The following ZFPM1 variants were observed in gnomAD, a reference collection of about 807,000 sequenced individuals.
ZFPM1 encodes the protein zinc finger protein, FOG family member 1, also known as zinc finger protein ZFPM1.
Under a neutral mutation model 46.3 loss-of-function variants are expected in ZFPM1, and 28 were observed. The ratio of observed to expected loss-of-function variants is 0.60; its 90% CI spans 0.45 to 0.83. The LOEUF (loss-of-function observed/expected upper bound fraction) is 0.83, where lower values mean the gene tolerates loss of function less well. ZFPM1 is among the 40% of genes least tolerant of loss of function. ZFPM1 has a pLI of 0.00. For synonymous variants in ZFPM1, 957 were observed against 675.9 expected, an observed-to-expected ratio of 1.42 and a Z score of -6.45; for missense variants, 1,878 against 1,432.4, an observed-to-expected ratio of 1.31 and a Z score of -5.02.
chr16:88,515,333 C>T (rs901263493), intron 4 of ZFPM1, among the ~76,000 whole-genome samples: 4 of 152,156 alleles, frequency 2.6e-5, no homozygotes, highest in Admixed American at 6.5e-5. Flanking sequence ...GGACAGAGGG[C>T]GTCCCCCTTT....
intron 4 of ZFPM1, among the ~76,000 whole-genome samples, chr16:88,520,590 G>T (rs550095799): frequency 0.013 from 852 of 65,992 alleles, 12 homozygotes; most frequent in African/African-American, 0.052. Context: ...GGATGGATGG[G>T]AGGGTGAGTG....
chr16:88,482,207 A>G (rs541635322), intron 1 of ZFPM1, among the ~76,000 whole-genome samples: 1 of 152,094 alleles, frequency 6.6e-6, no homozygotes, highest in South Asian at 2.1e-4. Flanking sequence ...TGGCTCACAG[A>G]TGCCCCCAGC....
At chr16:88,491,586 G>A (rs1012769794) in intron 3 of ZFPM1, among the ~76,000 whole-genome samples, 22 of 152,202 alleles carry the variant, frequency 1.4e-4, no homozygotes, top group Non-Finnish European at 1.2e-4. Flanking sequence ...GGTGTTGAGA[G>A]GGGTTAGATC....
At chr16:88,510,910 G>A (rs1044621549) in intron 3 of ZFPM1, among the ~76,000 whole-genome samples, 1 of 152,244 alleles carries the variant, frequency 6.6e-6, no homozygotes, top group Non-Finnish European at 1.5e-5. Context: ...GCTGGGCCTG[G>A]CTGAGGCTCG....
intron 1 of ZFPM1, among the ~76,000 whole-genome samples, chr16:88,479,859 C>G (rs368735452): frequency 2.1e-5 from 3 of 140,072 alleles, no homozygotes; most frequent in Non-Finnish European, 4.7e-5. Context: ...CTCCCTCCCC[C>G]CCGCTGCCAC....
In ZFPM1 at chr16:88,533,574, C is replaced by T. The variant is rs1210227851; in HGVS notation, c.1616C>T (p.Ala539Val). ...YVFGPDAAPPASEILAKMSEL... is the reference protein window; with the variant it reads ...YVFGPDAAPPVSEILAKMSEL... Reference sequence around the variant, plus strand: ...TTCGGGCCCGACGCGGCGCCCCCCGCCTCGGAGATCCTGGCCAAGATGTCC... The same window carrying T: ...TTCGGGCCCGACGCGGCGCCCCCCGTCTCGGAGATCCTGGCCAAGATGTCC... The change falls in exon 10 of 10, where the codon GCC becomes GTC. Residue 539 changes from alanine (A) to valine (V), a missense_variant. Ala to Val is a moderately conservative substitution (Grantham distance 64). Coordinates refer to ENST00000319555, the MANE Select transcript of ZFPM1 (RefSeq NM_153813.3). 6.7e-7 allele frequency: 1 copy of T among 1,496,544 alleles called. No individual in the cohort carries two copies. 92.7% of individuals were successfully genotyped at this position (1,496,544 alleles called of 1,614,324 possible).
intron 3 of ZFPM1, among the ~76,000 whole-genome samples, chr16:88,507,656 C>T (rs1910734785): frequency 6.6e-6 from 1 of 152,226 alleles, no homozygotes; most frequent in Non-Finnish European, 1.5e-5. Flanking sequence ...ATGGGAGATG[C>T]CATCCAGCTC....
intron 3 of ZFPM1, among the ~76,000 whole-genome samples, chr16:88,506,710 C>T (rs572928092): frequency 3.3e-5 from 5 of 151,694 alleles, no homozygotes; most frequent in African/African-American, 7.3e-5. Context: ...GGCTCCTCTG[C>T]GCCTCTCCCA....
intron 1 of ZFPM1, among the ~76,000 whole-genome samples, chr16:88,477,712 A>AAAAGG (rs1337749925): frequency 6.6e-6 from 1 of 152,274 alleles, no homozygotes; most frequent in Non-Finnish European, 1.5e-5. Context: ...AAAAGAAAAG[A>AAAAGG]AAAGCAAAAC....
At chr16:88,532,732 G>T (rs773662091) in intron 8 of ZFPM1, 23 bp downstream of exon 8, 19 of 1,612,496 alleles carry the variant, frequency 1.2e-5, no homozygotes, top group Non-Finnish European at 1.4e-5. Context: ...GGGGCCGGGG[G>T]GTGTGTGGGT....
Position 88,533,530 on chromosome 16 carries a change from G to T in ZFPM1, c.1572G>T (p.Leu524=), listed in dbSNP as rs914767039. 1 of 1,454,866 alleles carries T rather than the reference G, an allele frequency of 6.9e-7. No homozygotes were observed. The highest frequency in any genetic ancestry group is 9.0e-7 in the Non-Finnish European group (1 of 1,106,574). 90.1% of individuals were successfully genotyped at this position (1,454,866 alleles called of 1,614,324 possible). ...GCGAGCTGGGCCTGGCCGGGGCCCT[G>T]TTCCTTCCGCAGTACGTGTTCGGGC... ...VPGELGLAGA[L]FLPQYVFGPD... Residue 524 remains leucine (L), a synonymous_variant, in exon 10 of 10, where the codon CTG becomes CTT. Transcript: ENST00000319555.
At chr16:88,526,785 C>A in intron 4 of ZFPM1, 29 bp from the exon 5 acceptor site, 2 of 1,515,576 alleles carry the variant, frequency 1.3e-6, no homozygotes, top group Non-Finnish European at 1.8e-6. Flanking sequence ...ACGGACCCCT[C>A]CCCACGTGTT....
chr16:88,536,180 A>T lies in ZFPM1; in HGVS notation c.*1201A>T, dbSNP rs1018977650. 3 of 151,880 alleles carry T rather than the reference A, an allele frequency of 2.0e-5. No individual in the cohort carries two copies. Among genetic ancestry groups the T allele is most frequent in the Non-Finnish European group, 1.5e-5 (1 of 67,956 alleles). 9.4% of individuals were successfully genotyped at this position (151,880 alleles called of 1,614,324 possible). ...TATGTTGCCCAGGCTGGGCAACCCT[A>T]TATTTTTTAGAGCTAAGGTCTTGTT... On this transcript the variant is annotated 3_prime_UTR_variant, in exon 10 of 10. Transcript: ENST00000319555.
chr16:88,467,870 G>T (rs890353472), intron 1 of ZFPM1, among the ~76,000 whole-genome samples: 10 of 152,184 alleles, frequency 6.6e-5, no homozygotes, highest in Non-Finnish European at 4.4e-5. Flanking sequence ...GATGCGTGCT[G>T]TGCGGTGGAG....
At position 88,532,814 on chromosome 16, in the gene ZFPM1, C is replaced by T. The variant is rs1365178748; in HGVS notation, c.1068C>T (p.Ile356=). The T allele has an allele frequency of 3.1e-6, 5 of 1,613,232 alleles. No individual in the cohort carries two copies. The highest frequency in any genetic ancestry group is 3.4e-6 in the Non-Finnish European group (4 of 1,179,966). ...GTGTCTGCCACAGCTGTGGCTTCAT[C>T]TCCACCACAAGGGACATCCTCTACA... ...LSGVCHSCGF[I]STTRDILYSH... Residue 356 remains isoleucine (I), a synonymous_variant, in exon 9 of 10, where the codon ATC becomes ATT. Transcript: ENST00000319555.
chr16:88,535,030 G>A lies in ZFPM1; in HGVS notation c.*51G>A, dbSNP rs1463280997. On this transcript the variant is annotated 3_prime_UTR_variant, in exon 10 of 10. Transcript: ENST00000319555. ...TTTGCACGCCCCGCTGCGATGCGGGGAGGGGGCCGCCCCCAGGCCGCACGG... is the reference window on the plus strand; with the variant it reads ...TTTGCACGCCCCGCTGCGATGCGGGAAGGGGGCCGCCCCCAGGCCGCACGG... The A allele has an allele frequency of 7.4e-7, 1 of 1,355,894 alleles. No homozygotes were observed. Among genetic ancestry groups the A allele is most frequent in the Non-Finnish European group, 9.6e-7 (1 of 1,046,146 alleles). 84.0% of individuals were successfully genotyped at this position (1,355,894 alleles called of 1,614,324 possible).
chr16:88,489,286 T>C (rs571909852), intron 3 of ZFPM1, 133 bp downstream of exon 3: 41 of 1,365,470 alleles, frequency 3.0e-5, no homozygotes, highest in African/African-American at 1.2e-4. Context: ...GGCCTGTGCC[T>C]AGTCCAAAGC....
Position 88,475,518 on chromosome 16 carries a change from G to GC in ZFPM1, c.41-10421_41-10420insC, listed in dbSNP as rs556395520. 4.6e-3 allele frequency among the ~76,000 whole-genome samples: 706 copies of GC among 152,046 alleles called. 4 individuals carry two copies. The highest frequency in any genetic ancestry group is 0.016 in the African/African-American group (651 of 41,482). ...CCTGAGCAGGGGCAGGGGTCCGGGG[G>GC]GGGGAGCACAGCCAAGAAAAAGGGA... On this transcript the variant is annotated intron_variant, in intron 1 of 9. Transcript: ENST00000319555.
At position 88,522,781 on chromosome 16, in the gene ZFPM1, C is replaced by T. The variant is rs138190280; in HGVS notation, c.403-4033C>T. 1.6e-3 allele frequency among the ~76,000 whole-genome samples: 245 copies of T among 152,300 alleles called. 1 individual carries two copies. The highest frequency in any genetic ancestry group is 5.6e-3 in the African/African-American group (234 of 41,578). On this transcript the variant is annotated intron_variant, in intron 4 of 9. Coordinates refer to ENST00000319555, the MANE Select transcript of ZFPM1 (RefSeq NM_153813.3). ...AAACAGGGTGGGCTCTAGCGTCCTC[C>T]GTGGACCCTGGACACACCTGCCTGA...
Sources: gnomAD v4.1 joint callset for allele counts (sites outside exome capture counted in the v4.1 genomes callset) on GRCh38, gnomAD v4.1.1 for gene constraint, MANE v1.5 for transcripts, NCBI Gene and HGNC (gene_info 2026-07-23, HGNC 2026-07-21) for gene names.